Variants in CSMD1 observed in about 807,000 individuals in gnomAD.
CSMD1 encodes CUB and sushi domain-containing protein 1.
In CSMD1, 213 loss-of-function variants were observed where a neutral mutation model predicts 417.5. The ratio of observed to expected loss-of-function variants is 0.51; its 90% CI spans 0.46 to 0.57. CSMD1 has a LOEUF of 0.57. CSMD1 is among the 20% of genes least tolerant of loss of function. The probability of loss-of-function intolerance (pLI) is 0.00; values close to 1 mark genes in which losing one functional copy is unlikely to be tolerated. For synonymous variants in CSMD1, 2,862 were observed against 1,736.8 expected (o/e 1.65, Z -16.11); for missense variants, 6,923 against 4,529.7 (o/e 1.53, Z -15.17).
chr8:4,123,913 C>A (rs776672273), intron 3 of CSMD1, among the ~76,000 whole-genome samples: 1 of 152,060 alleles, frequency 6.6e-6, no homozygotes, highest in Non-Finnish European at 1.5e-5. Flanking sequence ...TTCACAATCT[C>A]TTACAAAGAA....
chr8:2,976,141 G>A lies in CSMD1; in HGVS notation c.8567-1517C>T, dbSNP rs1394427876. Among the ~76,000 whole-genome samples the A allele has an allele frequency of 2.6e-5, 4 of 151,904 alleles. No individual in the cohort carries two copies. The East Asian group carries it at 7.7e-4, about 29-fold the overall frequency. ...AAAGTTACCACTGTCGTTCTCCACA[G>A]GAATTAATTGAATTGTTGAAGTTAG... is the stretch of plus-strand genomic sequence containing the variant. On this transcript the variant is annotated intron_variant, in intron 55 of 69. Transcript: ENST00000635120.
At chr8:4,291,255 A>G (rs1037761681) in intron 3 of CSMD1, among the ~76,000 whole-genome samples, 8 of 152,166 alleles carry the variant, frequency 5.3e-5, no homozygotes, top group Non-Finnish European at 1.2e-4. Context: ...ATTAAGTAAT[A>G]AAGAAAATAT....
intron 21 of CSMD1, among the ~76,000 whole-genome samples, chr8:3,352,067 A>G (rs1044397347): frequency 1.3e-5 from 2 of 152,108 alleles, no homozygotes; most frequent in Non-Finnish European, 1.5e-5. Context: ...ATGATTAGCC[A>G]TTGTATCCTG....
At chr8:4,052,592 C>T (rs1798489514) in intron 3 of CSMD1, among the ~76,000 whole-genome samples, 1 of 152,090 alleles carries the variant, frequency 6.6e-6, no homozygotes, top group South Asian at 2.1e-4. Flanking sequence ...TTGCCTTTCC[C>T]TCCATATAAT....
chr8:4,688,289 G>C (rs1051491537), intron 1 of CSMD1, among the ~76,000 whole-genome samples: 3 of 152,104 alleles, frequency 2.0e-5, no homozygotes, highest in African/African-American at 4.8e-5. Context: ...ATGAATCTAT[G>C]TCAAAAAACT....
chr8:3,392,311 A>G (rs1231786259), intron 17 of CSMD1, among the ~76,000 whole-genome samples: 1 of 152,074 alleles, frequency 6.6e-6, no homozygotes, highest in Non-Finnish European at 1.5e-5. Context: ...AAAAATAATA[A>G]TTCTTGGGTC....
chr8:4,182,044 CG>C lies in CSMD1; in HGVS notation c.416-149946del, dbSNP rs1563234658. Among the ~76,000 whole-genome samples, 276 of 124,828 alleles carry C rather than the reference CG, an allele frequency of 2.2e-3. 1 individual carries two copies. The highest frequency in any genetic ancestry group is 7.4e-3 in the African/African-American group (269 of 36,536). The allele number at this position is 124,828 out of a possible 152,430, so 81.9% of individuals were successfully genotyped here. ...CACACCCGTGTGTGTGTGTGTGTGT[CG>C]GTGTGTGTGTGTGTGTATACCTAAA... On this transcript the variant is annotated intron_variant, in intron 3 of 69. Transcript: ENST00000635120.
intron 26 of CSMD1, among the ~76,000 whole-genome samples, chr8:3,250,180 G>C (rs915835751): frequency 2.0e-5 from 3 of 152,168 alleles, no homozygotes; most frequent in African/African-American, 7.2e-5. Context: ...TTAACATTAG[G>C]TATGTCTCCA....
intron 39 of CSMD1, 34 bp downstream of exon 39, chr8:3,157,863 C>A: frequency 5.9e-6 from 9 of 1,512,736 alleles, no homozygotes; most frequent in East Asian, 2.5e-5. Flanking sequence ...CCAGTGTGTG[C>A]GCAGCAGCAG....
At chr8:4,447,437 G>A (rs1798879701) in intron 2 of CSMD1, among the ~76,000 whole-genome samples, 2 of 152,208 alleles carry the variant, frequency 1.3e-5, no homozygotes, top group South Asian at 4.1e-4. Flanking sequence ...TCTGGACCCA[G>A]AGGAAGGAGT....
intron 12 of CSMD1, among the ~76,000 whole-genome samples, chr8:3,457,858 A>G (rs1382012942): frequency 6.6e-6 from 1 of 152,180 alleles, no homozygotes; most frequent in Non-Finnish European, 1.5e-5. Context: ...GATGTGGGAG[A>G]ATGTTATCAC....
At chr8:3,900,360 A>G (rs1807656914) in intron 5 of CSMD1, among the ~76,000 whole-genome samples, 1 of 151,578 alleles carries the variant, frequency 6.6e-6, no homozygotes, top group Non-Finnish European at 1.5e-5. Flanking sequence ...GCTGGTTGAC[A>G]GCACAGCTGT....
At chr8:4,434,809 C>G (rs1236780501) in intron 2 of CSMD1, among the ~76,000 whole-genome samples, 2 of 152,268 alleles carry the variant, frequency 1.3e-5, no homozygotes, top group South Asian at 4.2e-4. Flanking sequence ...CCATGAAGCC[C>G]TACTTCACCA....
chr8:4,639,047 A>C (rs1803031671), intron 1 of CSMD1, among the ~76,000 whole-genome samples: 1 of 151,916 alleles, frequency 6.6e-6, no homozygotes, highest in South Asian at 2.1e-4. Context: ...CACCTGACCC[A>C]CCTATTCTAT....
At chr8:3,734,041 G>C (rs969125733) in intron 6 of CSMD1, among the ~76,000 whole-genome samples, 2 of 142,354 alleles carry the variant, frequency 1.4e-5, no homozygotes, top group Non-Finnish European at 3.1e-5. Context: ...AACTCAGGAA[G>C]AAATGCAAGC....
intron 3 of CSMD1, among the ~76,000 whole-genome samples, chr8:4,404,261 T>C (rs1364028636): frequency 6.6e-6 from 1 of 152,162 alleles, no homozygotes; most frequent in Non-Finnish European, 1.5e-5. Flanking sequence ...GGCTATATAT[T>C]TATGTCATCT....
At chr8:3,082,449 T>G (rs1039651555) in intron 49 of CSMD1, among the ~76,000 whole-genome samples, 9 of 152,192 alleles carry the variant, frequency 5.9e-5, no homozygotes, top group African/African-American at 2.2e-4. Flanking sequence ...CTGGACCTTC[T>G]CTGCTACTCC....
intron 2 of CSMD1, among the ~76,000 whole-genome samples, chr8:4,471,398 G>C (rs1214415809): frequency 6.6e-6 from 1 of 152,026 alleles, no homozygotes; most frequent in Non-Finnish European, 1.5e-5. Context: ...TTTTGACAAG[G>C]TTCCTATACA....
chr8:4,572,604 C>T (rs1798942715), intron 2 of CSMD1, among the ~76,000 whole-genome samples: 1 of 152,048 alleles, frequency 6.6e-6, no homozygotes, highest in South Asian at 2.1e-4. Flanking sequence ...CTTGGGGTTG[C>T]TCTTCTCAAG....
Sources: allele counts gnomAD v4.1 joint callset (sites outside exome capture counted in the v4.1 genomes callset), GRCh38; gene constraint gnomAD v4.1.1; transcripts MANE v1.5; gene names NCBI Gene and HGNC (gene_info 2026-07-23, HGNC 2026-07-21).